Variants in TBC1D4 observed in about 807,000 individuals in gnomAD.
The protein encoded by TBC1D4 is TBC (Tre-2, BUB2, CDC16) domain-containing protein.
TBC1D4 carries 121 observed loss-of-function variants against 142.5 expected under a neutral mutation model. The observed-to-expected ratio is 0.85, with a 90% CI of 0.73 to 0.99. The LOEUF (loss-of-function observed/expected upper bound fraction) is 0.99, where lower values mean the gene tolerates loss of function less well. Ranked by LOEUF, TBC1D4 falls within the 50% of genes least tolerant of loss-of-function variation. The probability of loss-of-function intolerance (pLI) is 0.00; values close to 1 mark genes in which losing one functional copy is unlikely to be tolerated. For missense variants in TBC1D4, 1,475 were observed against 1,606.6 expected (o/e 0.92, Z 1.40); for synonymous variants, 630 against 628.2 (o/e 1.00, Z -0.04).
chr13:75,404,487 G>A (rs1330856182), intron 1 of TBC1D4, among the ~76,000 whole-genome samples: 1 of 152,110 alleles, frequency 6.6e-6, no homozygotes, highest in East Asian at 1.9e-4. Context: ...TAATGACTGT[G>A]ACAGTTTTGA....
chr13:75,320,497 T>C (rs540332098), intron 11 of TBC1D4, among the ~76,000 whole-genome samples: 3 of 152,104 alleles, frequency 2.0e-5, no homozygotes, highest in Non-Finnish European at 4.4e-5. Context: ...TGAAATAACA[T>C]TAAATTTTGA....
rs1446954034 is a variant in TBC1D4 at position 75,443,428 on chromosome 13, A to G, written c.498+37842T>C. The stretch of plus-strand genomic sequence containing the variant: ...TCAAAGCACACTGCCAAGTGTGGGT[A>G]AGATCAGGGAAATTGTTGGACGAGT... On this transcript the variant is annotated intron_variant, in intron 1 of 20. Transcript: ENST00000377636. Among the ~76,000 whole-genome samples the G allele has an allele frequency of 2.6e-5, 4 of 152,234 alleles. No individual in the cohort carries two copies. The East Asian group carries it at 7.7e-4, about 29-fold the overall frequency.
chr13:75,293,685 C>T (rs969993345), intron 18 of TBC1D4, among the ~76,000 whole-genome samples: 1 of 152,124 alleles, frequency 6.6e-6, no homozygotes, highest in African/African-American at 2.4e-5. Flanking sequence ...TTTCACTTTA[C>T]TCTTTTGCTG....
intron 1 of TBC1D4, among the ~76,000 whole-genome samples, chr13:75,447,606 C>T (rs1451641293): frequency 2.6e-5 from 4 of 151,752 alleles, no homozygotes; most frequent in Non-Finnish European, 5.9e-5. Flanking sequence ...TACACACACA[C>T]ACATATATAA....
At chr13:75,355,945 G>GT (rs1481414944) in intron 4 of TBC1D4, among the ~76,000 whole-genome samples, 2 of 152,172 alleles carry the variant, frequency 1.3e-5, no homozygotes, top group African/African-American at 4.8e-5. Context: ...ACCCACAAAA[G>GT]TATGTAGGCA....
At chr13:75,380,717 C>G (rs1883793459) in intron 1 of TBC1D4, among the ~76,000 whole-genome samples, 1 of 152,154 alleles carries the variant, frequency 6.6e-6, no homozygotes, top group South Asian at 2.1e-4. Context: ...ATGGTTTCCA[C>G]AAGACCACCT....
In TBC1D4 at chr13:75,481,808, G is replaced by C. The variant is rs1174862853; in HGVS notation, c.-41C>G. ...AGGGCACCGCGGAGGCCGGCCGGGC[G>C]CACCGCGCCCCCCACTCCCGCGCAG... On this transcript the variant is annotated 5_prime_UTR_variant, in exon 1 of 21. Coordinates refer to ENST00000377636, the MANE Select transcript of TBC1D4 (RefSeq NM_014832.5). 1.4e-6 allele frequency: 2 copies of C among 1,458,340 alleles called. No individual in the cohort carries two copies. Among genetic ancestry groups the C allele is most frequent in the African/African-American group, 3.0e-5 (2 of 67,084 alleles). 90.3% of individuals were successfully genotyped at this position (1,458,340 alleles called of 1,614,324 possible).
chr13:75,394,853 C>T (rs1884700571), intron 1 of TBC1D4, among the ~76,000 whole-genome samples: 1 of 152,178 alleles, frequency 6.6e-6, no homozygotes, highest in Non-Finnish European at 1.5e-5. Context: ...CAGGAACAGA[C>T]TGTAGCCAAT....
intron 1 of TBC1D4, among the ~76,000 whole-genome samples, chr13:75,425,935 G>A (rs777386038): frequency 9.2e-5 from 14 of 152,014 alleles, no homozygotes; most frequent in African/African-American, 1.9e-4. Context: ...TTATATACTC[G>A]AAGTCTTTGA....
At chr13:75,458,678 A>G (rs1313281745) in intron 1 of TBC1D4, among the ~76,000 whole-genome samples, 2 of 152,218 alleles carry the variant, frequency 1.3e-5, no homozygotes, top group East Asian at 3.8e-4. Flanking sequence ...CCTTTTAACT[A>G]TATTGCATGA....
intron 1 of TBC1D4, among the ~76,000 whole-genome samples, chr13:75,381,335 A>G (rs1467991117): frequency 2.0e-5 from 3 of 152,196 alleles, no homozygotes; most frequent in African/African-American, 7.2e-5. Flanking sequence ...ACTGCCACTC[A>G]GTCATTCACT....
At chr13:75,401,574 T>C (rs1885097190) in intron 1 of TBC1D4, among the ~76,000 whole-genome samples, 1 of 152,172 alleles carries the variant, frequency 6.6e-6, no homozygotes, top group Non-Finnish European at 1.5e-5. Context: ...AAATAAAAAA[T>C]ATAATACTCT....
chr13:75,477,680 T>C (rs1888675827), intron 1 of TBC1D4, among the ~76,000 whole-genome samples: 1 of 152,236 alleles, frequency 6.6e-6, no homozygotes, highest in South Asian at 2.1e-4. Flanking sequence ...GGTAATGCCA[T>C]ACAGACTCTT....
intron 1 of TBC1D4, among the ~76,000 whole-genome samples, chr13:75,431,586 CCT>C (rs1362430821): frequency 6.6e-6 from 1 of 152,154 alleles, no homozygotes; most frequent in Non-Finnish European, 1.5e-5. Flanking sequence ...AGGATCCCAA[CCT>C]TTGGTCTGTT....
intron 1 of TBC1D4, among the ~76,000 whole-genome samples, chr13:75,385,036 G>GGAGGAACAAA (rs1439267553): frequency 2.0e-5 from 3 of 152,152 alleles, no homozygotes; most frequent in African/African-American, 7.2e-5. Flanking sequence ...CCTCAGAGAA[G>GGAGGAACAAA]GAGGAACAAA....
chr13:75,318,082 T>C (rs1323197161), intron 12 of TBC1D4, among the ~76,000 whole-genome samples: 1 of 152,234 alleles, frequency 6.6e-6, no homozygotes, highest in Non-Finnish European at 1.5e-5. Flanking sequence ...AATTGTAATG[T>C]CTACTTGCCT....
chr13:75,319,980 T>G, intron 12 of TBC1D4, 34 bp downstream of exon 12: 2 of 1,608,508 alleles, frequency 1.2e-6, no homozygotes, highest in Non-Finnish European at 8.5e-7. Flanking sequence ...TCTGTGAATT[T>G]TTTTTAAATA....
intron 1 of TBC1D4, among the ~76,000 whole-genome samples, chr13:75,447,796 A>G (rs961219557): frequency 6.6e-6 from 1 of 151,980 alleles, no homozygotes; most frequent in African/African-American, 2.4e-5. Flanking sequence ...CAAGAACCCT[A>G]TTGGGAACTG....
chr13:75,410,257 T>C (rs566275846), intron 1 of TBC1D4, among the ~76,000 whole-genome samples: 2 of 152,312 alleles, frequency 1.3e-5, no homozygotes, highest in South Asian at 2.1e-4. Flanking sequence ...AAGGTTCCTA[T>C]GCTGTCAGTC....
Sources: gnomAD v4.1 joint callset for allele counts (sites outside exome capture counted in the v4.1 genomes callset) on GRCh38, gnomAD v4.1.1 for gene constraint, MANE v1.5 for transcripts, NCBI Gene and HGNC (gene_info 2026-07-23, HGNC 2026-07-21) for gene names.